ADAMTS2: variants seen among roughly 807,000 people sequenced by gnomAD.
ADAMTS2 encodes A disintegrin and metalloproteinase with thrombospondin motifs 2.
ADAMTS2 carries 50 observed loss-of-function variants against 123.0 expected under a neutral mutation model. The ratio of observed to expected loss-of-function variants is 0.41; its 90% CI spans 0.32 to 0.51. The LOEUF (loss-of-function observed/expected upper bound fraction) is 0.51. Ranked by LOEUF, ADAMTS2 falls within the 20% of genes least tolerant of loss-of-function variation. The pLI, the probability that ADAMTS2 is intolerant of heterozygous loss-of-function variation, is 0.35. For missense variants in ADAMTS2, 1,494 were observed against 1,705.2 expected (o/e 0.88, Z 2.18); for synonymous variants, 678 against 695.4 (o/e 0.98, Z 0.39).
In ADAMTS2 at chr5:179,125,121, A is replaced by G; in HGVS notation, c.2810T>C (p.Val937Ala). ...CGGCTGAATGCAGCGCACGGAGCGC[A>G]CCTGCATGCCTGTCCGCCCACAGGT... Reference protein sequence around the residue: ...SQTCGRTGMQVRSVRCIQPLH... With the variant: ...SQTCGRTGMQARSVRCIQPLH... The change falls in exon 19 of 22, where the codon GTG (valine) becomes GCG (alanine). Residue 937 changes from valine to alanine, a missense_variant. Transcript: ENST00000251582. 1 of 1,613,018 alleles carries G rather than the reference A, an allele frequency of 6.2e-7. No homozygotes were observed. Among genetic ancestry groups the G allele is most frequent in the Non-Finnish European group, 8.5e-7 (1 of 1,179,914 alleles).
At position 179,181,734 on chromosome 5, in the gene ADAMTS2, A is replaced by C. The variant is rs1257867811; in HGVS notation, c.892-579T>G. ...CTGTTTTGATGGCTGGAGCTCCTGC[A>C]GTCGCCGTCTCTGTATTTATCACAA... On this transcript the variant is annotated intron_variant, in intron 4 of 21. Coordinates refer to ENST00000251582, the MANE Select transcript of ADAMTS2 (RefSeq NM_014244.5). The surrounding 1 kb of genome is among the most constrained non-coding windows in gnomAD (Gnocchi z 4.1). Among the ~76,000 whole-genome samples, 2 of 152,210 alleles carry C rather than the reference A, an allele frequency of 1.3e-5. No homozygotes were observed. Among genetic ancestry groups the C allele is most frequent in the Non-Finnish European group, 1.5e-5 (1 of 68,034 alleles).
chr5:179,272,769 A>C lies in ADAMTS2; in HGVS notation c.688+142T>G, dbSNP rs1008051782. On this transcript the variant is annotated intron_variant, in intron 3 of 21. Transcript: ENST00000251582. The surrounding 1 kb of genome is among the most constrained non-coding windows in gnomAD (Gnocchi z 5.8). ...CTGCCGTCAGCCAGGCAGCTGGCCC[A>C]TTTCTGAGCCACTGAGACCGGGGCT... 1 of 1,130,644 alleles carries C rather than the reference A, an allele frequency of 8.8e-7. No homozygotes were observed. The highest frequency in any genetic ancestry group is 1.2e-6 in the Non-Finnish European group (1 of 811,314). The allele number at this position is 1,130,644 out of a possible 1,614,324, so 70.0% of individuals were successfully genotyped here.
At chr5:179,224,591 T>C (rs1283036855) in intron 3 of ADAMTS2, among the ~76,000 whole-genome samples, 3 of 152,216 alleles carry the variant, frequency 2.0e-5, no homozygotes, top group African/African-American at 7.2e-5. Context: ...AAAAGCCATG[T>C]GGGCAGGGGG....
rs1309222711 is a variant in ADAMTS2 at position 179,122,673 on chromosome 5, G to A, written c.3059C>T (p.Ala1020Val). The A allele has an allele frequency of 4.5e-6, 7 of 1,551,320 alleles. No individual in the cohort carries two copies. In the East Asian group the frequency reaches 7.3e-5, roughly 16 times the overall value. The part of the protein sequence containing the change: ...GICQEERPET[A>V]RTCRLGPCPR... Reference sequence around the variant, plus strand: ...ACAGGGGCCAAGCCTGCAGGTCCTCGCTGTCTCAGGACGCTCCTCCTGGCA... The same window carrying A: ...ACAGGGGCCAAGCCTGCAGGTCCTCACTGTCTCAGGACGCTCCTCCTGGCA... The change falls in exon 20 of 22, where the codon GCG (alanine) becomes GTG (valine). Residue 1020 changes from alanine to valine, a missense_variant. Coordinates refer to ENST00000251582, the MANE Select transcript of ADAMTS2 (RefSeq NM_014244.5).
At chr5:179,206,203 T>G (rs548231951) in intron 4 of ADAMTS2, among the ~76,000 whole-genome samples, 22 of 152,338 alleles carry the variant, frequency 1.4e-4, no homozygotes, top group African/African-American at 5.3e-4. Context: ...GAGGGCTAGC[T>G]GACTCACCCA....
In ADAMTS2 at chr5:179,155,273, C is replaced by A. The variant is rs910030683; in HGVS notation, c.1133-354G>T. On this transcript the variant is annotated intron_variant, in intron 6 of 21. Transcript: ENST00000251582. The surrounding 1 kb of genome is among the most constrained non-coding windows in gnomAD (Gnocchi z 5.1). ...TCTTTCACGCCACCTGCCTCTGCCC[C>A]CTGCCTGCCTCACTGAGTGGCCCCT... Among the ~76,000 whole-genome samples, 2 of 152,214 alleles carry A rather than the reference C, an allele frequency of 1.3e-5. No homozygotes were observed. Among genetic ancestry groups the A allele is most frequent in the Non-Finnish European group, 2.9e-5 (2 of 68,022 alleles).
Position 179,155,934 on chromosome 5 carries a change from G to A in ADAMTS2, c.1133-1015C>T, listed in dbSNP as rs1294917700. On this transcript the variant is annotated intron_variant, in intron 6 of 21. Transcript: ENST00000251582. This position sits in a 1 kb window ranked among gnomAD's most constrained non-coding sequence, Gnocchi z 5.1. ...CCCCGGGTGAGCTGGCGGTGTACGC[G>A]CCTAAAAATAGAAGCATCGTGATCT... Among the ~76,000 whole-genome samples the A allele has an allele frequency of 3.6e-4, 55 of 152,064 alleles. No individual in the cohort carries two copies. The highest frequency in any genetic ancestry group is 2.4e-5 in the African/African-American group (1 of 41,402).
intron 3 of ADAMTS2, among the ~76,000 whole-genome samples, chr5:179,218,626 T>C (rs549138484): frequency 9.8e-5 from 15 of 152,338 alleles, no homozygotes; most frequent in African/African-American, 3.6e-4. Context: ...TTTTATGACC[T>C]GAGGTGGATC....
At chr5:179,324,720 C>G (rs1757266248) in intron 2 of ADAMTS2, among the ~76,000 whole-genome samples, 1 of 152,200 alleles carries the variant, frequency 6.6e-6, no homozygotes, top group African/African-American at 2.4e-5. Context: ...GATTTATTTC[C>G]TTTGTATTTT....
intron 9 of ADAMTS2, 107 bp downstream of exon 9, chr5:179,153,384 C>G: frequency 2.6e-6 from 4 of 1,544,232 alleles, no homozygotes; most frequent in Non-Finnish European, 2.6e-6. Context: ...GGCCGCTCTG[C>G]CCTCCCCACA....
chr5:179,164,437 G>A (rs6899233), intron 5 of ADAMTS2, among the ~76,000 whole-genome samples: 40,875 of 152,104 alleles, frequency 0.27, 5,693 homozygotes, highest in East Asian at 0.39. Flanking sequence ...AGGAGGGTCA[G>A]GACCTGGTGG....
intron 5 of ADAMTS2, among the ~76,000 whole-genome samples, chr5:179,176,980 G>A (rs551306327): frequency 2.0e-5 from 3 of 152,130 alleles, no homozygotes; most frequent in East Asian, 1.9e-4. Flanking sequence ...ACTTCCTCCC[G>A]TTGCTTTTCC....
At chr5:179,250,462 T>C (rs1190061448) in intron 3 of ADAMTS2, among the ~76,000 whole-genome samples, 1 of 152,236 alleles carries the variant, frequency 6.6e-6, no homozygotes, top group Non-Finnish European at 1.5e-5. Flanking sequence ...GTGGTGATGG[T>C]TGCACAGCTG....
rs1052937135 is a variant in ADAMTS2, at chr5:179,307,208, C to A, written c.535-34144G>T. ...AGCTGCCCCGGCCCACGCGCCCCTGCCCTGCTGTGCTCCGCCATCTGCCCC... is the reference window on the plus strand; with the variant it reads ...AGCTGCCCCGGCCCACGCGCCCCTGACCTGCTGTGCTCCGCCATCTGCCCC... On this transcript the variant is annotated intron_variant, in intron 2 of 21. Transcript: ENST00000251582. This position sits in a 1 kb window ranked among gnomAD's most constrained non-coding sequence, Gnocchi z 5.6. Among the ~76,000 whole-genome samples the A allele has an allele frequency of 2.6e-5, 4 of 152,126 alleles. No homozygotes were observed. Among genetic ancestry groups the A allele is most frequent in the Non-Finnish European group, 5.9e-5 (4 of 67,998 alleles).
chr5:179,228,919 TCTGGCTGGATCCTGAGCTCCTCC>T lies in ADAMTS2; in HGVS notation c.689-21227_689-21205del. On this transcript the variant is annotated intron_variant, in intron 3 of 21. Coordinates refer to ENST00000251582, the MANE Select transcript of ADAMTS2 (RefSeq NM_014244.5). This position sits in a 1 kb window ranked among gnomAD's most constrained non-coding sequence, Gnocchi z 5.2. ...GGTCACCTGAGAACAGCTCAGTCAGTCTGGCTGGATCCTGAGCTCCTCCCCCGGCCTGTGCTTGAGAGGTGACA... is the reference window on the plus strand; with the variant it reads ...GGTCACCTGAGAACAGCTCAGTCAGTCCCGGCCTGTGCTTGAGAGGTGACA... 6.6e-6 allele frequency among the ~76,000 whole-genome samples: 1 copy of T among 152,296 alleles called. No individual in the cohort carries two copies. The highest frequency in any genetic ancestry group is 6.5e-5 in the Admixed American group (1 of 15,306).
intron 2 of ADAMTS2, among the ~76,000 whole-genome samples, chr5:179,289,480 G>C (rs1164135893): frequency 6.6e-6 from 1 of 152,188 alleles, no homozygotes; most frequent in Non-Finnish European, 1.5e-5. Context: ...GACTGCGGCA[G>C]GTACGACTTA....
intron 2 of ADAMTS2, among the ~76,000 whole-genome samples, chr5:179,320,557 A>T (rs1003511035): frequency 1.3e-5 from 2 of 149,082 alleles, no homozygotes; most frequent in Non-Finnish European, 1.5e-5. Context: ...TGACCTTGTG[A>T]TCCGTCCACC....
intron 5 of ADAMTS2, among the ~76,000 whole-genome samples, chr5:179,163,715 C>T (rs1314200687): frequency 6.6e-6 from 1 of 152,188 alleles, no homozygotes; most frequent in African/African-American, 2.4e-5. Flanking sequence ...AGTGATCTTG[C>T]TGCTGCGGCA....
intron 3 of ADAMTS2, among the ~76,000 whole-genome samples, chr5:179,249,041 C>A (rs947816781): frequency 2.6e-5 from 4 of 152,172 alleles, no homozygotes; most frequent in African/African-American, 7.2e-5. Context: ...AAAGCATCTT[C>A]TCCAACCACA....
Sources: gnomAD v4.1 joint callset for allele counts (sites outside exome capture counted in the v4.1 genomes callset) on GRCh38, gnomAD v4.1.1 for gene constraint, Gnocchi (gnomAD v3.1) non-coding constraint, MANE v1.5 for transcripts, NCBI Gene and HGNC (gene_info 2026-07-23, HGNC 2026-07-21) for gene names.